The following RBFOX1 variants were observed in gnomAD, a reference collection of about 807,000 sequenced individuals.
RBFOX1 encodes RNA binding fox-1 homolog 1.
RBFOX1 carries 8 observed loss-of-function variants against 57.7 expected under a neutral mutation model. That is an observed-to-expected ratio of 0.14 (90% CI 0.08 to 0.25). The LOEUF (loss-of-function observed/expected upper bound fraction) is 0.25, where lower values mean the gene tolerates loss of function less well. RBFOX1 is among the 10% of genes least tolerant of loss of function. The probability of loss-of-function intolerance (pLI) is 1.00; values close to 1 mark genes in which losing one functional copy is unlikely to be tolerated. For missense variants in RBFOX1, 611 were observed against 548.5 expected (o/e 1.11, Z -1.14); for synonymous variants, 326 against 222.4 (o/e 1.47, Z -4.15).
At chr16:6,545,608 A>C (rs1266185065) in intron 2 of RBFOX1, among the ~76,000 whole-genome samples, 1 of 152,156 alleles carries the variant, frequency 6.6e-6, no homozygotes, top group Non-Finnish European at 1.5e-5. Flanking sequence ...TCTCCACCCC[A>C]AAGATCTCAC....
chr16:6,547,858 G>A (rs1463956819), intron 2 of RBFOX1, among the ~76,000 whole-genome samples: 1 of 151,996 alleles, frequency 6.6e-6, no homozygotes, highest in East Asian at 1.9e-4. Flanking sequence ...ACTCTGGAAA[G>A]GAATAGTATT....
chr16:6,016,148 A>G (rs189224374), upstream of RBFOX1, among the ~76,000 whole-genome samples: 13 of 152,330 alleles, frequency 8.5e-5, no homozygotes, highest in Admixed American at 7.2e-4. Flanking sequence ...TGATGTAAAG[A>G]CCTTTTAGTT....
chr16:6,645,748 A>G (rs1371844693), intron 2 of RBFOX1, among the ~76,000 whole-genome samples: 1 of 152,184 alleles, frequency 6.6e-6, no homozygotes, highest in Non-Finnish European at 1.5e-5. Flanking sequence ...GTCATCAAGG[A>G]CAGCTGACAT....
chr16:6,905,882 G>A lies in RBFOX1; in HGVS notation c.-15-146175G>A, dbSNP rs1340986277. 9.2e-5 allele frequency among the ~76,000 whole-genome samples: 14 copies of A among 152,206 alleles called. No individual in the cohort carries two copies. The East Asian group carries it at 2.7e-3, about 29-fold the overall frequency. ...CCTGGCCCTCTGCTGATCCCTGGAA[G>A]CAAAGTGAGTGTCCACAGGCTTTCT... On this transcript the variant is annotated intron_variant, in intron 3 of 15. Transcript: ENST00000550418.
intron 3 of RBFOX1, among the ~76,000 whole-genome samples, chr16:5,743,870 C>T (rs764679327): frequency 9.2e-5 from 14 of 152,086 alleles, no homozygotes; most frequent in Non-Finnish European, 1.5e-4. Flanking sequence ...GCACATAACA[C>T]GGTATTGTTA....
chr16:6,732,337 G>A (rs577755658), intron 3 of RBFOX1, among the ~76,000 whole-genome samples: 2 of 152,298 alleles, frequency 1.3e-5, no homozygotes, highest in African/African-American at 4.8e-5. Flanking sequence ...AGATTCTCAC[G>A]AGAGAGTGAG....
In RBFOX1 at chr16:7,195,632, A is replaced by G. The variant is rs539416028; in HGVS notation, c.27+143534A>G. Among the ~76,000 whole-genome samples the G allele has an allele frequency of 7.9e-5, 12 of 152,238 alleles. No individual in the cohort carries two copies. In the East Asian group the frequency reaches 2.1e-3, roughly 27 times the overall value. ...GAGTGCAGTGGTGGGATCTCAACTCACTGCAACCTCCACCTCCCAGGTTCA... is the reference window on the plus strand; with the variant it reads ...GAGTGCAGTGGTGGGATCTCAACTCGCTGCAACCTCCACCTCCCAGGTTCA... On this transcript the variant is annotated intron_variant, in intron 4 of 15. Coordinates refer to ENST00000550418, the MANE Select transcript of RBFOX1 (RefSeq NM_018723.4).
intron 4 of RBFOX1, among the ~76,000 whole-genome samples, chr16:7,114,341 T>C (rs984738808): frequency 2.9e-4 from 44 of 152,198 alleles, no homozygotes; most frequent in African/African-American, 8.4e-4. Context: ...CATTTTGCTA[T>C]GGAGGTCCAA....
chr16:6,295,294 T>G (rs1347954516), intron 1 of RBFOX1, among the ~76,000 whole-genome samples: 1 of 151,936 alleles, frequency 6.6e-6, no homozygotes, highest in Admixed American at 6.6e-5. Context: ...CAGCAAATTG[T>G]TTTGTATTTT....
At chr16:7,462,193 T>C (rs2150572167) in intron 4 of RBFOX1, among the ~76,000 whole-genome samples, 1 of 152,344 alleles carries the variant, frequency 6.6e-6, no homozygotes, top group Admixed American at 6.5e-5. Context: ...AAGAGAGTTT[T>C]CCATATTTAC....
intron 3 of RBFOX1, among the ~76,000 whole-genome samples, chr16:6,867,693 C>G (rs185450698): frequency 1.3e-5 from 2 of 152,130 alleles, no homozygotes; most frequent in African/African-American, 2.4e-5. Flanking sequence ...TGACAGAGCA[C>G]AAGACTCTGT....
intron 4 of RBFOX1, among the ~76,000 whole-genome samples, chr16:7,117,385 G>T (rs28541462): frequency 0.02 from 3,018 of 152,294 alleles, 107 homozygotes; most frequent in African/African-American, 0.069. Context: ...ATGTGGATGT[G>T]AAGGGAAGCA....
At chr16:5,772,700 A>T (rs762072114) in intron 3 of RBFOX1, among the ~76,000 whole-genome samples, 1 of 152,196 alleles carries the variant, frequency 6.6e-6, no homozygotes, top group Non-Finnish European at 1.5e-5. Context: ...TGGACCAAGG[A>T]CAATTTGCTG....
chr16:5,586,409 A>C (rs2046830322), intron 2 of RBFOX1, among the ~76,000 whole-genome samples: 1 of 152,218 alleles, frequency 6.6e-6, no homozygotes, highest in Non-Finnish European at 1.5e-5. Context: ...GCCAGAACTC[A>C]TGCTAAGAGC....
At chr16:5,607,788 C>T (rs968541399) in intron 3 of RBFOX1, among the ~76,000 whole-genome samples, 9 of 152,192 alleles carry the variant, frequency 5.9e-5, no homozygotes, top group Non-Finnish European at 1.2e-4. Context: ...TGGACCCCTG[C>T]AGTCCATATG....
intron 1 of RBFOX1, among the ~76,000 whole-genome samples, chr16:5,378,532 A>C (rs1174435481): frequency 1.3e-5 from 2 of 151,642 alleles, no homozygotes; most frequent in East Asian, 1.9e-4. Context: ...GAATAGCCTC[A>C]GCAGAACCTC....
chr16:5,661,812 G>T (rs2049661292), intron 3 of RBFOX1, among the ~76,000 whole-genome samples: 1 of 152,014 alleles, frequency 6.6e-6, no homozygotes, highest in Non-Finnish European at 1.5e-5. Flanking sequence ...TTGAGATGGA[G>T]TCTCACTCTG....
chr16:6,518,532 C>G (rs1475444554), intron 2 of RBFOX1, among the ~76,000 whole-genome samples: 3 of 151,700 alleles, frequency 2.0e-5, no homozygotes, highest in Non-Finnish European at 4.4e-5. Context: ...AGATCTGATT[C>G]CAGTTCAAAA....
At chr16:7,232,019 C>G (rs1356956351) in intron 4 of RBFOX1, among the ~76,000 whole-genome samples, 1 of 152,004 alleles carries the variant, frequency 6.6e-6, no homozygotes, top group Non-Finnish European at 1.5e-5. Context: ...AACAAAATGC[C>G]ACTGAATTGT....
Sources: gnomAD v4.1 joint callset for allele counts (sites outside exome capture counted in the v4.1 genomes callset) on GRCh38, gnomAD v4.1.1 for gene constraint, MANE v1.5 for transcripts, NCBI Gene and HGNC (gene_info 2026-07-23, HGNC 2026-07-21) for gene names.